MFSD2A: variants seen among roughly 807,000 people sequenced by gnomAD.
MFSD2A encodes sodium-dependent lysophosphatidylcholine symporter 1.
A neutral mutation model predicts 64.7 loss-of-function variants in MFSD2A; 27 were observed. The ratio of observed to expected loss-of-function variants is 0.42; its 90% confidence interval spans 0.31 to 0.58. The LOEUF (loss-of-function observed/expected upper bound fraction) is 0.58, where lower values mean the gene tolerates loss of function less well. Ranked by LOEUF, MFSD2A falls within the 20% of genes least tolerant of loss-of-function variation. The probability of loss-of-function intolerance (pLI) is 0.18; values close to 1 mark genes in which losing one functional copy is unlikely to be tolerated. For synonymous variants in MFSD2A, 258 were observed against 273.4 expected (o/e 0.94, Z 0.55); for missense variants, 474 against 679.5 (o/e 0.70, Z 3.36).
Position 39,964,222 on chromosome 1 carries a change from CTTTTAAA to C in MFSD2A, c.354-986_354-980del, listed in dbSNP as rs1645106366. On this transcript the variant is annotated intron_variant, in intron 3 of 13. Coordinates refer to ENST00000372811, the MANE Select transcript of MFSD2A (RefSeq NM_032793.5). The surrounding 1 kb of genome is among the most constrained non-coding windows in gnomAD (Gnocchi z 4.1). ...TATGAAGGTTGAATGGTATATATAA[CTTTTAAA>C]TTATGTCAACTTTTCTGTTTGCCAA... 6.6e-6 allele frequency: 1 copy of C among 152,210 alleles called. No homozygotes were observed. Among genetic ancestry groups the C allele is most frequent in the Non-Finnish European group, 1.5e-5 (1 of 68,048 alleles). 9.4% of individuals were successfully genotyped at this position (152,210 alleles called of 1,614,324 possible).
Position 39,958,872 on chromosome 1 carries a change from G to A in MFSD2A, c.353+47G>A, listed in dbSNP as rs752601034. The A allele has an allele frequency of 6.5e-7, 1 of 1,535,192 alleles. No individual in the cohort carries two copies. Among genetic ancestry groups the A allele is most frequent in the South Asian group, 1.3e-5 (1 of 79,174 alleles). ...GAGGTGGCACAAGGCAGGACTTCCA[G>A]CATATCTGCTCCTTGGTCCTTCTCT... is the stretch of plus-strand genomic sequence containing the variant. On this transcript the variant is annotated intron_variant, in intron 3 of 13. Coordinates refer to ENST00000372811, the MANE Select transcript of MFSD2A (RefSeq NM_032793.5). This position sits in a 1 kb window ranked among gnomAD's most constrained non-coding sequence, Gnocchi z 4.7.
In MFSD2A at chr1:39,960,192, G is replaced by A. The variant is rs1645004873; in HGVS notation, c.353+1367G>A. ...AGACGCACAGGATAGGCTGTCAGGC[G>A]GGGGCTCTGGTTCCCTCCAGGACAT... On this transcript the variant is annotated intron_variant, in intron 3 of 13. Transcript: ENST00000372811. The surrounding 1 kb of genome is among the most constrained non-coding windows in gnomAD (Gnocchi z 4.8). Among the ~76,000 whole-genome samples the A allele has an allele frequency of 1.3e-5, 2 of 152,232 alleles. No homozygotes were observed. Among genetic ancestry groups the A allele is most frequent in the South Asian group, 4.1e-4 (2 of 4,834 alleles).
rs890568767 is a variant in MFSD2A, at chr1:39,963,819, C to G, written c.354-1392C>G. 2.0e-5 allele frequency among the ~76,000 whole-genome samples: 3 copies of G among 152,224 alleles called. No individual in the cohort carries two copies. Among genetic ancestry groups the G allele is most frequent in the Non-Finnish European group, 2.9e-5 (2 of 68,038 alleles). The stretch of plus-strand genomic sequence containing the variant: ...GTGCGATCTCGGCTCACTGCAACCT[C>G]TGCCTCCCGGGTTCAAGTGATTCTC... On this transcript the variant is annotated intron_variant, in intron 3 of 13. Transcript: ENST00000372811. The surrounding 1 kb of genome is among the most constrained non-coding windows in gnomAD (Gnocchi z 4.2).
chr1:39,968,615 A>G lies in MFSD2A; in HGVS notation c.1399A>G (p.Lys467Glu). ...TGGCTGCTCGCAGCCGGAACGTGTC[A>G]AGTTTACACTGAACATGCTCGTGAC... ...TRGCSQPERV[K>E]FTLNMLVTMA... The change falls in exon 13 of 14, where the codon AAG becomes GAG. Residue 467 changes from lysine (K) to glutamate (E), a missense_variant. Transcript: ENST00000372811. The surrounding 1 kb of genome is among the most constrained non-coding windows in gnomAD (Gnocchi z 4.4). 1 of 1,614,184 alleles carries G rather than the reference A, an allele frequency of 6.2e-7. No individual in the cohort carries two copies. Among genetic ancestry groups the G allele is most frequent in the Non-Finnish European group, 8.5e-7 (1 of 1,180,016 alleles).
At chr1:39,967,004 G>A in intron 8 of MFSD2A, 72 bp downstream of exon 8, 2 of 1,611,536 alleles carry the variant, frequency 1.2e-6, no homozygotes, top group Non-Finnish European at 1.7e-6. Flanking sequence ...GGTCTCTGGG[G>A]CTTGGGGGAT....
chr1:39,959,096 A>T (rs1644983134), intron 3 of MFSD2A, among the ~76,000 whole-genome samples: 1 of 152,132 alleles, frequency 6.6e-6, no homozygotes, highest in Non-Finnish European at 1.5e-5. Flanking sequence ...CCCTTGGTGA[A>T]GCTGGAATTC....
Position 39,968,849 on chromosome 1 carries a change from TTC to T in MFSD2A, c.1529+108_1529+109del. The T allele has an allele frequency of 1.5e-5, 19 of 1,262,490 alleles. No homozygotes were observed. Among genetic ancestry groups the T allele is most frequent in the Non-Finnish European group, 2.1e-5 (19 of 901,864 alleles). The allele number at this position is 1,262,490 out of a possible 1,614,324, so 78.2% of individuals were successfully genotyped here. On this transcript the variant is annotated intron_variant, in intron 13 of 13. Transcript: ENST00000372811. This position sits in a 1 kb window ranked among gnomAD's most constrained non-coding sequence, Gnocchi z 4.4. ...AGTCCAGACTCACCCCCCACACATCTTCTCTGGACAGCTGTAACACTTAAGTA... is the reference window on the plus strand; with the variant it reads ...AGTCCAGACTCACCCCCCACACATCTTCTGGACAGCTGTAACACTTAAGTA...
chr1:39,967,703 G>A lies in MFSD2A; in HGVS notation c.1087G>A (p.Gly363Arg). 1 of 1,614,080 alleles carries A rather than the reference G, an allele frequency of 6.2e-7. No individual in the cohort carries two copies. The highest frequency in any genetic ancestry group is 8.5e-7 in the Non-Finnish European group (1 of 1,179,970). ...TGGCAAGAAGACAGCTGTATATGTT[G>A]GGATCTCAGTGAGTGGGGTTGAAGA... Reference protein sequence around the residue: ...RFGKKTAVYVGISSAVPFLIL... With the variant: ...RFGKKTAVYVRISSAVPFLIL... The change falls in exon 10 of 14, where the codon GGG becomes AGG. Residue 363 changes from glycine to arginine, a missense_variant. Physicochemically the swap from Gly to Arg is moderately radical, Grantham distance 125. Coordinates refer to ENST00000372811, the MANE Select transcript of MFSD2A (RefSeq NM_032793.5).
rs905926158 is a variant in MFSD2A, at chr1:39,964,819, G to A, written c.354-392G>A. 1 of 249,788 alleles carries A rather than the reference G, an allele frequency of 4.0e-6. No individual in the cohort carries two copies. The highest frequency in any genetic ancestry group is 2.2e-5 in the African/African-American group (1 of 45,028). 15.5% of individuals were successfully genotyped at this position (249,788 alleles called of 1,614,324 possible). On this transcript the variant is annotated intron_variant, in intron 3 of 13. Coordinates refer to ENST00000372811, the MANE Select transcript of MFSD2A (RefSeq NM_032793.5). The surrounding 1 kb of genome is among the most constrained non-coding windows in gnomAD (Gnocchi z 4.1). The stretch of plus-strand genomic sequence containing the variant: ...AATGGGGTGTGTGTGTGAATGGGGT[G>A]TGTGTGTGCGGTTGATGACTATCCG...
At chr1:39,969,483 C>A (rs781733839) in intron 13 of MFSD2A, 22 bp from the exon 14 acceptor site, 2 of 1,593,260 alleles carry the variant, frequency 1.3e-6, no homozygotes, top group Non-Finnish European at 1.7e-6. Context: ...TTCCTCCAAC[C>A]CATCTCCTCT....
chr1:39,962,660 T>C, intron 3 of MFSD2A: 1 of 794,594 alleles, frequency 1.3e-6, no homozygotes, highest in Non-Finnish European at 2.1e-6. Flanking sequence ...GCCGGGGTCA[T>C]GGCCGTGGAC....
chr1:39,963,345 C>G lies in MFSD2A; in HGVS notation c.354-1866C>G. ...GACTGTATTCACCAAGTCTCCCGAT[C>G]AGGAATTCACTGACCACCTCATCAA... is the stretch of plus-strand genomic sequence containing the variant. On this transcript the variant is annotated intron_variant, in intron 3 of 13. Coordinates refer to ENST00000372811, the MANE Select transcript of MFSD2A (RefSeq NM_032793.5). This position sits in a 1 kb window ranked among gnomAD's most constrained non-coding sequence, Gnocchi z 4.2. 1 of 931,962 alleles carries G rather than the reference C, an allele frequency of 1.1e-6. No homozygotes were observed. Among genetic ancestry groups the G allele is most frequent in the Non-Finnish European group, 1.7e-6 (1 of 600,676 alleles). 57.7% of individuals were successfully genotyped at this position (931,962 alleles called of 1,614,324 possible).
chr1:39,969,796 A>T lies in MFSD2A; in HGVS notation c.*228A>T. 1.8e-6 allele frequency: 1 copy of T among 566,862 alleles called. No individual in the cohort carries two copies. Among genetic ancestry groups the T allele is most frequent in the Non-Finnish European group, 3.1e-6 (1 of 320,982 alleles). The allele number at this position is 566,862 out of a possible 1,614,324, so 35.1% of individuals were successfully genotyped here. ...AAGCCCTGGGGCTGCCACTGTGAATATGCCAAGGACTGATCGGGCCTAGCC... is the reference window on the plus strand; with the variant it reads ...AAGCCCTGGGGCTGCCACTGTGAATTTGCCAAGGACTGATCGGGCCTAGCC... On this transcript the variant is annotated 3_prime_UTR_variant, in exon 14 of 14. Transcript: ENST00000372811.
At chr1:39,957,028 G>A in intron 1 of MFSD2A, 59 bp from the exon 2 acceptor site, 1 of 1,599,458 alleles carries the variant, frequency 6.3e-7, no homozygotes, top group Non-Finnish European at 8.5e-7. Flanking sequence ...CCTTCCTGTG[G>A]AACCTTCTTG....
chr1:39,967,001 G>A, intron 8 of MFSD2A, 69 bp downstream of exon 8: 1 of 1,611,514 alleles, frequency 6.2e-7, no homozygotes, highest in Admixed American at 1.7e-5. Flanking sequence ...AGAGGTCTCT[G>A]GGGCTTGGGG....
At chr1:39,967,532 G>T (rs1645190223) in intron 9 of MFSD2A, 96 bp from the exon 10 acceptor site, 4 of 1,105,082 alleles carry the variant, frequency 3.6e-6, no homozygotes, top group South Asian at 2.5e-5. Flanking sequence ...GGCTGCTCTT[G>T]GGCAGGGCTG....
Position 39,955,577 on chromosome 1 carries a change from C to T in MFSD2A, c.93+192C>T. On this transcript the variant is annotated intron_variant, in intron 1 of 13. Coordinates refer to ENST00000372811, the MANE Select transcript of MFSD2A (RefSeq NM_032793.5). The surrounding 1 kb of genome is among the most constrained non-coding windows in gnomAD (Gnocchi z 5.9). ...GAGAAAAGCTGTGGGCGCCCTCGCCCCCCTTTGCTCACCCGCACTCCACGC... is the reference window on the plus strand; with the variant it reads ...GAGAAAAGCTGTGGGCGCCCTCGCCTCCCTTTGCTCACCCGCACTCCACGC... The T allele has an allele frequency of 1.4e-6, 1 of 708,254 alleles. No individual in the cohort carries two copies. Among genetic ancestry groups the T allele is most frequent in the Non-Finnish European group, 2.5e-6 (1 of 394,988 alleles). 43.9% of individuals were successfully genotyped at this position (708,254 alleles called of 1,614,324 possible).
chr1:39,965,894 G>A lies in MFSD2A; in HGVS notation c.594G>A (p.Thr198=), dbSNP rs138870190. The change falls in exon 6 of 14, where the codon ACG becomes ACA. Residue 198 remains threonine (T), a synonymous_variant. Coordinates refer to ENST00000372811, the MANE Select transcript of MFSD2A (RefSeq NM_032793.5). The surrounding 1 kb of genome is among the most constrained non-coding windows in gnomAD (Gnocchi z 5.5). ...AAGTGCTGGGCACAGTGCTGGGCACGGCGATCCAGGGACAAATCGTGGGCC... is the reference window on the plus strand; with the variant it reads ...AAGTGCTGGGCACAGTGCTGGGCACAGCGATCCAGGGACAAATCGTGGGCC... ...TVEVLGTVLG[T]AIQGQIVGQA... 34 of 1,614,060 alleles carry A rather than the reference G, an allele frequency of 2.1e-5. No homozygotes were observed. The highest frequency in any genetic ancestry group is 1.2e-4 in the Admixed American group (7 of 60,014).
chr1:39,963,819 C>T lies in MFSD2A; in HGVS notation c.354-1392C>T, dbSNP rs890568767. Among the ~76,000 whole-genome samples, 1 of 152,224 alleles carries T rather than the reference C, an allele frequency of 6.6e-6. No individual in the cohort carries two copies. The highest frequency in any genetic ancestry group is 2.4e-5 in the African/African-American group (1 of 41,450). On this transcript the variant is annotated intron_variant, in intron 3 of 13. Coordinates refer to ENST00000372811, the MANE Select transcript of MFSD2A (RefSeq NM_032793.5). This position sits in a 1 kb window ranked among gnomAD's most constrained non-coding sequence, Gnocchi z 4.2. ...GTGCGATCTCGGCTCACTGCAACCT[C>T]TGCCTCCCGGGTTCAAGTGATTCTC...
Sources: allele counts gnomAD v4.1 joint callset (sites outside exome capture counted in the v4.1 genomes callset), GRCh38; gene constraint gnomAD v4.1.1; non-coding constraint Gnocchi (gnomAD v3.1); transcripts MANE v1.5; gene names NCBI Gene and HGNC (gene_info 2026-07-23, HGNC 2026-07-21).